AFF1: variants seen among roughly 807,000 people sequenced by gnomAD.
The protein encoded by AFF1 is ALF transcription elongation factor 1, also known as AF4/FMR2 family member 1.
AFF1 carries 48 observed loss-of-function variants against 121.7 expected under a neutral mutation model. That is an observed-to-expected ratio of 0.39 (90% CI 0.31 to 0.50). AFF1 has a LOEUF of 0.50. AFF1 is among the 20% of genes least tolerant of loss of function. The pLI, the probability that AFF1 is intolerant of heterozygous loss-of-function variation, is 0.76. For synonymous variants in AFF1, 613 were observed against 563.0 expected (o/e 1.09, Z -1.26); for missense variants, 1,523 against 1,511.7 (o/e 1.01, Z -0.12).
At chr4:87,008,479 TCTC>T (rs951173732) in intron 2 of AFF1, among the ~76,000 whole-genome samples, 1 of 152,318 alleles carries the variant, frequency 6.6e-6, no homozygotes, top group African/African-American at 2.4e-5. Flanking sequence ...TATTTCTTCT[TCTC>T]AACACAGTGG....
Position 86,972,131 on chromosome 4 carries a change from C to CAA in AFF1, c.38+23588_38+23589dup, listed in dbSNP as rs59683267. Among the ~76,000 whole-genome samples the CAA allele has an allele frequency of 5.2e-3, 303 of 57,962 alleles. 12 individuals are homozygous for CAA. Among genetic ancestry groups the CAA allele is most frequent in the African/African-American group, 0.012 (174 of 14,146 alleles). 38.0% of individuals were successfully genotyped at this position (57,962 alleles called of 152,430 possible). Reference sequence around the variant, plus strand: ...ACCTGGGCAGAGCCAGAGCTTGTCTCAAAAAAAAAAAAAAAAAAAAAAAAA... The same window carrying CAA: ...ACCTGGGCAGAGCCAGAGCTTGTCTCAAAAAAAAAAAAAAAAAAAAAAAAAAA... On this transcript the variant is annotated intron_variant, in intron 2 of 20. Transcript: ENST00000395146.
chr4:87,074,620 T>C (rs1218537024), intron 4 of AFF1, among the ~76,000 whole-genome samples: 1 of 152,236 alleles, frequency 6.6e-6, no homozygotes, highest in African/African-American at 2.4e-5. Flanking sequence ...ACCCTACTTA[T>C]TTTAACTTTT....
chr4:87,135,544 T>G (rs1199321599), intron 20 of AFF1, 36 bp from the exon 21 acceptor site: 2 of 1,493,586 alleles, frequency 1.3e-6, no homozygotes, highest in African/African-American at 1.5e-5. Context: ...TGCTTGTGTA[T>G]TTACTTGTTT....
chr4:87,116,614 C>T (rs1400370038), intron 12 of AFF1, among the ~76,000 whole-genome samples: 1 of 152,152 alleles, frequency 6.6e-6, no homozygotes, highest in Admixed American at 6.5e-5. Context: ...TAATCCAGTG[C>T]GTTAAAAATA....
intron 2 of AFF1, chr4:86,973,801 T>C (rs1251769855): frequency 6.6e-6 from 1 of 152,328 alleles, no homozygotes; most frequent in Non-Finnish European, 1.5e-5. Context: ...TCCTTTCCCT[T>C]TTCCTTTCCC....
intron 2 of AFF1, among the ~76,000 whole-genome samples, chr4:86,963,322 A>T (rs1402732444): frequency 2.0e-5 from 3 of 152,110 alleles, no homozygotes; most frequent in Non-Finnish European, 4.4e-5. Context: ...TCTGTTCTTA[A>T]TCCAATATTC....
At chr4:87,011,383 T>G (rs1009127799) in intron 2 of AFF1, among the ~76,000 whole-genome samples, 1 of 152,234 alleles carries the variant, frequency 6.6e-6, no homozygotes, top group African/African-American at 2.4e-5. Flanking sequence ...AAGATTTATA[T>G]GAAGCTGGTT....
rs947897880 is a variant in AFF1 at position 87,046,341 on chromosome 4, A to G, written c.159+55A>G. On this transcript the variant is annotated intron_variant, in intron 3 of 20. Coordinates refer to ENST00000395146, the MANE Select transcript of AFF1 (RefSeq NM_001166693.3). ...CTGATTTATCACAATGTTGAACCCTATGATGAAACAATTCAGTATAATTGA... is the reference window on the plus strand; with the variant it reads ...CTGATTTATCACAATGTTGAACCCTGTGATGAAACAATTCAGTATAATTGA... 46 of 1,581,532 alleles carry G rather than the reference A, an allele frequency of 2.9e-5. 1 individual carries two copies. Among genetic ancestry groups the G allele is most frequent in the Non-Finnish European group, 3.8e-5 (44 of 1,164,998 alleles).
chr4:86,986,771 A>G (rs1417044249), intron 2 of AFF1, among the ~76,000 whole-genome samples: 1 of 152,156 alleles, frequency 6.6e-6, no homozygotes, highest in Admixed American at 6.5e-5. Context: ...AATTTTATTA[A>G]TATTACATTA....
At chr4:86,950,737 T>C (rs1721246517) in intron 2 of AFF1, among the ~76,000 whole-genome samples, 1 of 151,496 alleles carries the variant, frequency 6.6e-6, no homozygotes, top group South Asian at 2.1e-4. Flanking sequence ...GGAAGACAGT[T>C]AGTTGACCCT....
intron 2 of AFF1, among the ~76,000 whole-genome samples, chr4:87,013,032 C>CTTTTTTTTTTTTTTTTTTT (rs61071328): frequency 1.1e-4 from 10 of 93,490 alleles, no homozygotes; most frequent in Non-Finnish European, 1.6e-4. Flanking sequence ...CTATCAAGTT[C>CTTTTTTTTTTTTTTTTTTT]TTTTTTTTTT....
intron 2 of AFF1, among the ~76,000 whole-genome samples, chr4:87,031,331 C>T (rs747389400): frequency 6.6e-6 from 1 of 152,200 alleles, no homozygotes; most frequent in Non-Finnish European, 1.5e-5. Flanking sequence ...TCAGATGTCC[C>T]TGTTCTTAAT....
intron 4 of AFF1, among the ~76,000 whole-genome samples, chr4:87,078,547 G>A (rs894823246): frequency 1.3e-5 from 2 of 152,162 alleles, no homozygotes; most frequent in Non-Finnish European, 2.9e-5. Context: ...GACAGTTTTG[G>A]GAGTAAGGGA....
At chr4:86,941,944 GTT>G (rs76522559) in intron 1 of AFF1, among the ~76,000 whole-genome samples, 48 of 144,508 alleles carry the variant, frequency 3.3e-4, no homozygotes, top group African/African-American at 1.1e-3. Context: ...CCAATCCTCC[GTT>G]TTTTTTTTTT....
At chr4:87,008,680 A>G (rs1175000095) in intron 2 of AFF1, among the ~76,000 whole-genome samples, 1 of 150,992 alleles carries the variant, frequency 6.6e-6, no homozygotes, top group Non-Finnish European at 1.5e-5. Context: ...TTGTGATGTT[A>G]TCACAATAGA....
chr4:87,042,008 T>TG (rs1381248645), intron 2 of AFF1, among the ~76,000 whole-genome samples: 2 of 141,274 alleles, frequency 1.4e-5, no homozygotes, highest in African/African-American at 5.7e-5. Context: ...AGACTCCATC[T>TG]GGAAAAAAAA....
At chr4:87,104,005 G>T (rs1725674438) in intron 8 of AFF1, among the ~76,000 whole-genome samples, 2 of 152,100 alleles carry the variant, frequency 1.3e-5, no homozygotes, top group South Asian at 4.1e-4. Flanking sequence ...GTATAACTCA[G>T]CCCAGCCACC....
rs1315172076 is a variant in AFF1, at chr4:87,139,333, G to C, written c.*3632G>C. 6 of 232,714 alleles carry C rather than the reference G, an allele frequency of 2.6e-5. No individual in the cohort carries two copies. The highest frequency in any genetic ancestry group is 4.2e-5 in the Non-Finnish European group (5 of 117,836). 14.4% of individuals were successfully genotyped at this position (232,714 alleles called of 1,614,324 possible). The stretch of plus-strand genomic sequence containing the variant: ...GTTGAGGCTTGAGGCTGGGCTTTCG[G>C]GTTTTTTTGTTTTTTGTTTTGTTTT... On this transcript the variant is annotated 3_prime_UTR_variant, in exon 21 of 21. Transcript: ENST00000395146.
At chr4:87,094,356 G>A (rs958116251) in intron 7 of AFF1, among the ~76,000 whole-genome samples, 1 of 152,120 alleles carries the variant, frequency 6.6e-6, no homozygotes, top group African/African-American at 2.4e-5. Context: ...TTATGGACCC[G>A]TTTCATGTCC....
Sources: gnomAD v4.1 joint callset for allele counts (sites outside exome capture counted in the v4.1 genomes callset) on GRCh38, gnomAD v4.1.1 for gene constraint, MANE v1.5 for transcripts, NCBI Gene and HGNC (gene_info 2026-07-23, HGNC 2026-07-21) for gene names.